Variants in BBS9 observed in about 807,000 individuals in gnomAD.
BBS9 encodes the protein protein PTHB1.
In BBS9, 89 loss-of-function variants were observed where a neutral mutation model predicts 117.7. That is an observed-to-expected ratio of 0.76 (90% CI 0.64 to 0.90). The LOEUF (loss-of-function observed/expected upper bound fraction) is 0.90, where lower values mean the gene tolerates loss of function less well. Among genes scored for constraint, BBS9 ranks in the 40% least tolerant of loss-of-function variants. BBS9 has a pLI of 0.00. For synonymous variants in BBS9, 379 were observed against 370.9 expected (o/e 1.02, Z -0.25); for missense variants, 982 against 1,042.2 (o/e 0.94, Z 0.80).
chr7:33,540,350 T>C (rs1469351542), intron 21 of BBS9, among the ~76,000 whole-genome samples: 1 of 152,168 alleles, frequency 6.6e-6, no homozygotes, highest in Non-Finnish European at 1.5e-5. Context: ...GGTGGATACA[T>C]TGATATGGAA....
chr7:33,547,375 A>G (rs1161689544), intron 21 of BBS9, among the ~76,000 whole-genome samples: 1 of 152,216 alleles, frequency 6.6e-6, no homozygotes, highest in Admixed American at 6.5e-5. Context: ...TTCAGGTGGT[A>G]TAGCAAGATG....
chr7:33,382,973 T>C (rs1237094859), intron 17 of BBS9, among the ~76,000 whole-genome samples: 2 of 152,218 alleles, frequency 1.3e-5, no homozygotes, highest in Non-Finnish European at 2.9e-5. Flanking sequence ...TGGTACACAG[T>C]TTATGCCCAA....
intron 14 of BBS9, among the ~76,000 whole-genome samples, chr7:33,352,409 G>T (rs955359665): frequency 6.6e-5 from 10 of 152,056 alleles, no homozygotes; most frequent in Non-Finnish European, 1.5e-4. Context: ...AAAAAGAGAC[G>T]TTATCAATAG....
intron 15 of BBS9, among the ~76,000 whole-genome samples, chr7:33,356,478 G>A (rs1260559965): frequency 1.3e-5 from 2 of 151,802 alleles, no homozygotes; most frequent in African/African-American, 4.8e-5. Flanking sequence ...GTTGTAATTC[G>A]CATCTAGGAT....
chr7:33,382,120 G>A (rs144571946), intron 17 of BBS9, among the ~76,000 whole-genome samples: 12 of 152,228 alleles, frequency 7.9e-5, no homozygotes, highest in Non-Finnish European at 1.6e-4. Flanking sequence ...TGGTCAATAA[G>A]TGTTGAATTA....
chr7:33,258,250 C>T (rs1797410675), intron 6 of BBS9, among the ~76,000 whole-genome samples: 1 of 152,196 alleles, frequency 6.6e-6, no homozygotes, highest in Admixed American at 6.5e-5. Flanking sequence ...AACACATCAT[C>T]ATGGCTTTTC....
At chr7:33,567,580 T>C (rs988647482) in intron 21 of BBS9, among the ~76,000 whole-genome samples, 10 of 152,172 alleles carry the variant, frequency 6.6e-5, no homozygotes, top group Admixed American at 6.5e-4. Flanking sequence ...CTTCAGATTC[T>C]GTCCTTGGCT....
chr7:33,445,836 CT>C (rs1195317485), intron 19 of BBS9, among the ~76,000 whole-genome samples: 3 of 152,068 alleles, frequency 2.0e-5, no homozygotes, highest in African/African-American at 7.2e-5. Context: ...ACTTGCACTT[CT>C]TTTTTTCCTG....
intron 21 of BBS9, among the ~76,000 whole-genome samples, chr7:33,585,713 C>T (rs943492334): frequency 6.6e-6 from 1 of 151,992 alleles, no homozygotes; most frequent in African/African-American, 2.4e-5. Flanking sequence ...ATAAAAATTG[C>T]ATCCGGTTCA....
In BBS9 at chr7:33,150,500, C is replaced by A. The variant is rs561708999; in HGVS notation, c.113-2201C>A. Among the ~76,000 whole-genome samples the A allele has an allele frequency of 7.9e-5, 12 of 152,266 alleles. No homozygotes were observed. The South Asian group carries it at 2.5e-3, about 32-fold the overall frequency. On this transcript the variant is annotated intron_variant, in intron 2 of 22. Transcript: ENST00000242067. ...CAATGTAAAGTGATACTTAACCCCA[C>A]CTAGAACATGAATGGGAGTGTTCTG...
intron 19 of BBS9, among the ~76,000 whole-genome samples, chr7:33,437,270 G>A (rs764988499): frequency 1.1e-4 from 17 of 152,158 alleles, no homozygotes; most frequent in Non-Finnish European, 2.2e-4. Flanking sequence ...TCAGAGCATG[G>A]CTCACCCTTT....
chr7:33,151,274 C>A (rs1435884528), intron 2 of BBS9, among the ~76,000 whole-genome samples: 1 of 151,956 alleles, frequency 6.6e-6, no homozygotes, highest in Non-Finnish European at 1.5e-5. Flanking sequence ...AAAAGAAGAA[C>A]CAATTCCAAA....
intron 20 of BBS9, among the ~76,000 whole-genome samples, chr7:33,530,187 G>A (rs1246997176): frequency 6.6e-6 from 1 of 152,122 alleles, no homozygotes; most frequent in Non-Finnish European, 1.5e-5. Context: ...AATTTATGTA[G>A]CAATTCAGTC....
At chr7:33,537,301 C>T (rs1403101792) in intron 21 of BBS9, among the ~76,000 whole-genome samples, 1 of 152,206 alleles carries the variant, frequency 6.6e-6, no homozygotes, top group African/African-American at 2.4e-5. Context: ...TAGCGAAGGC[C>T]ATGGTGACAA....
intron 21 of BBS9, among the ~76,000 whole-genome samples, chr7:33,565,831 C>G: frequency 3.5e-5 from 1 of 28,452 alleles, no homozygotes. Flanking sequence ...ATATATACCG[C>G]TATATATACT....
intron 19 of BBS9, among the ~76,000 whole-genome samples, chr7:33,392,801 G>A (rs541697350): frequency 3.9e-5 from 6 of 152,188 alleles, no homozygotes; most frequent in African/African-American, 1.2e-4. Context: ...TCACTCATAA[G>A]CAGTTGTAGT....
At chr7:33,180,481 C>G (rs143467118) in intron 5 of BBS9, among the ~76,000 whole-genome samples, 4 of 151,906 alleles carry the variant, frequency 2.6e-5, no homozygotes, top group African/African-American at 9.7e-5. Context: ...CTCAGCCTCC[C>G]GAGTAGCTGG....
At chr7:33,542,807 ACACACACACACAC>A in intron 21 of BBS9, among the ~76,000 whole-genome samples, 1 of 143,220 alleles carries the variant, frequency 7.0e-6, no homozygotes, top group Non-Finnish European at 1.5e-5. Context: ...ACACACACAC[ACACACACACACAC>A]ACACACACAC....
intron 21 of BBS9, among the ~76,000 whole-genome samples, chr7:33,577,879 A>G (rs1859198950): frequency 6.6e-6 from 1 of 152,148 alleles, no homozygotes; most frequent in African/African-American, 2.4e-5. Context: ...AGGGCGGGGA[A>G]CATCACACAC....
Sources: allele counts gnomAD v4.1 joint callset (sites outside exome capture counted in the v4.1 genomes callset), GRCh38; gene constraint gnomAD v4.1.1; transcripts MANE v1.5; gene names NCBI Gene and HGNC (gene_info 2026-07-23, HGNC 2026-07-21).